Variants in AHRR observed in about 807,000 individuals in gnomAD.
The protein encoded by AHRR is aryl hydrocarbon receptor repressor.
Under a neutral mutation model 44.0 loss-of-function variants are expected in AHRR, and 28 were observed. The ratio of observed to expected loss-of-function variants is 0.64; its 90% confidence interval spans 0.47 to 0.87. The LOEUF is 0.87. Among genes scored for constraint, AHRR ranks in the 40% least tolerant of loss-of-function variants. AHRR has a pLI of 0.00. For missense variants in AHRR, 990 were observed against 953.9 expected (o/e 1.04, Z -0.50); for synonymous variants, 434 against 407.0 (o/e 1.07, Z -0.80).
chr5:334,982 C>T (rs6555179), intron 1 of AHRR, among the ~76,000 whole-genome samples: 15,243 of 152,118 alleles, frequency 0.1, 2,483 homozygotes, highest in African/African-American at 0.34. Flanking sequence ...GTGGTATCTG[C>T]GGCTTCCTTG....
At chr5:413,236 A>T in intron 4 of AHRR, 108 bp from the exon 5 acceptor site, 1 of 726,636 alleles carries the variant, frequency 1.4e-6, no homozygotes, top group Non-Finnish European at 2.3e-6. Context: ...ATGAATATGG[A>T]CTACAAAACA....
intron 4 of AHRR, among the ~76,000 whole-genome samples, chr5:380,637 A>C (rs547562672): frequency 6.6e-6 from 1 of 152,264 alleles, no homozygotes; most frequent in Admixed American, 6.5e-5. Flanking sequence ...TAGTATATAG[A>C]AGTACAATTT....
intron 5 of AHRR, chr5:421,472 G>T: frequency 4.0e-6 from 2 of 495,420 alleles, no homozygotes; most frequent in Middle Eastern, 3.5e-4. Flanking sequence ...ATCTGGGTGG[G>T]GTCCCGCGGG....
chr5:389,924 GGGGAGGGGGAGGGGAAGGGA>G (rs1277746052), intron 4 of AHRR, among the ~76,000 whole-genome samples: 5 of 120,770 alleles, frequency 4.1e-5, no homozygotes, highest in Admixed American at 1.7e-4. Context: ...AGGGAGGGAG[GGGGAGGGGGAGGGGAAGGGA>G]GGGAGGGGGA....
At chr5:347,859 C>T (rs886849898) in intron 2 of AHRR, among the ~76,000 whole-genome samples, 4 of 152,212 alleles carry the variant, frequency 2.6e-5, no homozygotes, top group Non-Finnish European at 5.9e-5. Flanking sequence ...GGGCCCCCTC[C>T]GCTCTGGCCA....
chr5:404,305 T>G lies in AHRR; in HGVS notation c.352-9039T>G. The G allele has an allele frequency of 4.1e-6, 2 of 489,612 alleles. No individual in the cohort carries two copies. Among genetic ancestry groups the G allele is most frequent in the Non-Finnish European group, 8.1e-6 (2 of 246,210 alleles). 30.3% of individuals were successfully genotyped at this position (489,612 alleles called of 1,614,324 possible). ...CAAACATGTGAATAATTCGCTAATT[T>G]TTCTTCCAGTGTTACTAAAAGCTGT... On this transcript the variant is annotated intron_variant, in intron 4 of 10. Transcript: ENST00000684583. This position sits in a 1 kb window ranked among gnomAD's most constrained non-coding sequence, Gnocchi z 4.1.
chr5:420,685 C>T (rs527569267), intron 5 of AHRR, among the ~76,000 whole-genome samples: 12 of 152,288 alleles, frequency 7.9e-5, no homozygotes, highest in South Asian at 2.1e-4. Flanking sequence ...ACCAGGAGGG[C>T]GGGATGGCAG....
At chr5:332,031 A>G (rs1480490755) in intron 1 of AHRR, among the ~76,000 whole-genome samples, 4 of 152,130 alleles carry the variant, frequency 2.6e-5, no homozygotes, top group African/African-American at 9.7e-5. Flanking sequence ...CATTTGTTTC[A>G]GCAATTTTTA....
At chr5:429,637 G>A (rs1201439963) in intron 8 of AHRR, among the ~76,000 whole-genome samples, 4 of 152,252 alleles carry the variant, frequency 2.6e-5, no homozygotes, top group East Asian at 1.9e-4. Flanking sequence ...CTTGCCGCGC[G>A]ATCCTGCAGC....
chr5:378,711 G>C (rs1733850443), intron 4 of AHRR, among the ~76,000 whole-genome samples: 1 of 152,208 alleles, frequency 6.6e-6, no homozygotes, highest in African/African-American at 2.4e-5. Flanking sequence ...TGAGCACACA[G>C]AGGAGGCCCT....
intron 2 of AHRR, among the ~76,000 whole-genome samples, chr5:351,327 G>A (rs1421480459): frequency 1.3e-5 from 2 of 152,164 alleles, no homozygotes. Context: ...CGATACTCAC[G>A]GCAGCCAAAC....
intron 4 of AHRR, among the ~76,000 whole-genome samples, chr5:382,337 A>G (rs1250855249): frequency 6.6e-6 from 1 of 152,238 alleles, no homozygotes; most frequent in Non-Finnish European, 1.5e-5. Flanking sequence ...CATGAATTCA[A>G]TTTCCTTGGA....
chr5:327,999 T>C (rs1237196145), intron 1 of AHRR, among the ~76,000 whole-genome samples: 5 of 152,136 alleles, frequency 3.3e-5, no homozygotes, highest in African/African-American at 1.2e-4. Context: ...GCGTTCTCAT[T>C]GTTCAATTCC....
rs970628147 is a variant in AHRR at position 419,704 on chromosome 5, C to T, written c.442-3025C>T. Among the ~76,000 whole-genome samples, 23 of 152,230 alleles carry T rather than the reference C, an allele frequency of 1.5e-4. No homozygotes were observed. Among genetic ancestry groups the T allele is most frequent in the African/African-American group, 4.8e-4 (20 of 41,532 alleles). On this transcript the variant is annotated intron_variant, in intron 5 of 10. Transcript: ENST00000684583. This position sits in a 1 kb window ranked among gnomAD's most constrained non-coding sequence, Gnocchi z 4.4. The stretch of plus-strand genomic sequence containing the variant: ...TCTTACTGCACAGGGACCAACAGGC[C>T]GGCCCATAAGAGCTGATGGGGTTGG...
In AHRR at chr5:370,809, C is replaced by T. The variant is rs1238041574; in HGVS notation, c.245-5801C>T. Among the ~76,000 whole-genome samples, 1 of 152,140 alleles carries T rather than the reference C, an allele frequency of 6.6e-6. No homozygotes were observed. Among genetic ancestry groups the T allele is most frequent in the African/African-American group, 2.4e-5 (1 of 41,426 alleles). ...GTTCCCATCATGCTTGTCCGACCTC[C>T]CTGGGTGGCTGGAGGAGGAAGTGAT... is the stretch of plus-strand genomic sequence containing the variant. On this transcript the variant is annotated intron_variant, in intron 3 of 10. Coordinates refer to ENST00000684583, the MANE Select transcript of AHRR (RefSeq NM_001377236.1). This position sits in a 1 kb window ranked among gnomAD's most constrained non-coding sequence, Gnocchi z 4.5.
Position 342,472 on chromosome 5 carries a change from G to GT in AHRR, c.-10-1421_-10-1420insT, listed in dbSNP as rs1484098638. On this transcript the variant is annotated intron_variant, in intron 1 of 10. Transcript: ENST00000684583. This position sits in a 1 kb window ranked among gnomAD's most constrained non-coding sequence, Gnocchi z 4.3. ...GTCTTCTTTGTCTGGGACTCATACAGCTGCTTCATTTGATTAACGTTTGCA... is the reference window on the plus strand; with the variant it reads ...GTCTTCTTTGTCTGGGACTCATACAGTCTGCTTCATTTGATTAACGTTTGCA... Among the ~76,000 whole-genome samples the GT allele has an allele frequency of 6.6e-6, 1 of 152,192 alleles. No homozygotes were observed. Among genetic ancestry groups the GT allele is most frequent in the African/African-American group, 2.4e-5 (1 of 41,432 alleles).
chr5:333,400 A>G (rs1242343991), intron 1 of AHRR, among the ~76,000 whole-genome samples: 4 of 152,218 alleles, frequency 2.6e-5, no homozygotes, highest in African/African-American at 9.6e-5. Flanking sequence ...GTTCAAGATC[A>G]GCCTGGCCAA....
intron 4 of AHRR, among the ~76,000 whole-genome samples, chr5:409,909 T>C (rs966861314): frequency 2.0e-5 from 3 of 152,214 alleles, no homozygotes; most frequent in African/African-American, 7.2e-5. Flanking sequence ...CTGGGCTTTG[T>C]GTTTGTGTCT....
intron 1 of AHRR, among the ~76,000 whole-genome samples, chr5:343,264 C>T (rs553162840): frequency 4.1e-5 from 6 of 146,550 alleles, no homozygotes; most frequent in South Asian, 2.2e-4. Context: ...GACAGGAACA[C>T]GGGACCCCAC....
Sources: allele counts gnomAD v4.1 joint callset (sites outside exome capture counted in the v4.1 genomes callset), GRCh38; gene constraint gnomAD v4.1.1; non-coding constraint Gnocchi (gnomAD v3.1); transcripts MANE v1.5; gene names NCBI Gene and HGNC (gene_info 2026-07-23, HGNC 2026-07-21).